AKR1C8: variants seen among roughly 807,000 people sequenced by gnomAD.
The protein encoded by AKR1C8 is aldo-keto reductase family 1 member C-like protein 1.
chr10:5,139,205 G>C, the AKR1C8 span, among the ~76,000 whole-genome samples: 3 of 152,152 alleles, frequency 2.0e-5, no homozygotes, highest in East Asian at 5.8e-4. Context: ...GAATCAATAT[G>C]GTGAAAATGG....
chr10:5,172,507 T>G, the AKR1C8 span, among the ~76,000 whole-genome samples: 1 of 152,082 alleles, frequency 6.6e-6, no homozygotes, highest in Non-Finnish European at 1.5e-5. Context: ...TGCAGCTATC[T>G]TCATTAAACT....
the AKR1C8 span, among the ~76,000 whole-genome samples, chr10:5,160,380 GA>G: frequency 1.4e-3 from 204 of 150,064 alleles, 2 homozygotes; most frequent in African/African-American, 4.3e-3. Context: ...TCTAGAATGG[GA>G]AAAAAAAATG....
the AKR1C8 span, among the ~76,000 whole-genome samples, chr10:5,183,801 C>T: frequency 6.6e-6 from 1 of 151,710 alleles, no homozygotes; most frequent in South Asian, 2.1e-4. Context: ...CTTACACAAA[C>T]CTCCAGCTCA....
chr10:5,149,157 T>C, the AKR1C8 span, among the ~76,000 whole-genome samples: 3 of 152,164 alleles, frequency 2.0e-5, no homozygotes, highest in East Asian at 5.8e-4. Flanking sequence ...AGCCAGAAAA[T>C]AATTTAGGAT....
At chr10:5,166,859 G>A in the AKR1C8 span, among the ~76,000 whole-genome samples, 3 of 151,966 alleles carry the variant, frequency 2.0e-5, no homozygotes, top group East Asian at 3.9e-4. Flanking sequence ...GCAACCTAGA[G>A]AATGGGAGAA....
At chr10:5,140,309 A>G in the AKR1C8 span, among the ~76,000 whole-genome samples, 8 of 152,248 alleles carry the variant, frequency 5.3e-5, no homozygotes, top group African/African-American at 1.7e-4. Flanking sequence ...ATATACCCAA[A>G]GGATTATAAA....
chr10:5,178,605 G>T, the AKR1C8 span, among the ~76,000 whole-genome samples: 112 of 152,288 alleles, frequency 7.4e-4, no homozygotes, highest in African/African-American at 2.4e-3. Flanking sequence ...TTATTATTGT[G>T]TGGGAATCTA....
chr10:5,130,840 C>T, the AKR1C8 span, among the ~76,000 whole-genome samples: 1 of 151,598 alleles, frequency 6.6e-6, no homozygotes, highest in Admixed American at 6.6e-5. Flanking sequence ...CTGAAAATGG[C>T]CATATTCTAA....
At chr10:5,140,838 A>G in the AKR1C8 span, among the ~76,000 whole-genome samples, 25 of 152,088 alleles carry the variant, frequency 1.6e-4, no homozygotes, top group Non-Finnish European at 2.8e-4. Flanking sequence ...ATAATTTAAA[A>G]AAAGAAAGAA....
At chr10:5,171,596 A>G in the AKR1C8 span, among the ~76,000 whole-genome samples, 1 of 152,074 alleles carries the variant, frequency 6.6e-6, no homozygotes, top group Non-Finnish European at 1.5e-5. Context: ...CCTTGTATAC[A>G]TATTTACCTA....
the AKR1C8 span, among the ~76,000 whole-genome samples, chr10:5,149,737 C>CT: frequency 6.6e-6 from 1 of 151,730 alleles, no homozygotes; most frequent in East Asian, 1.9e-4. Context: ...CCAGTTAAAG[C>CT]TTTGATAAAT....
chr10:5,132,145 C>T, the AKR1C8 span, among the ~76,000 whole-genome samples: 2 of 151,928 alleles, frequency 1.3e-5, no homozygotes, highest in Admixed American at 1.3e-4. Context: ...TAAAGACATA[C>T]AGATGATATA....
chr10:5,141,054 T>TG, the AKR1C8 span, among the ~76,000 whole-genome samples: 1 of 152,158 alleles, frequency 6.6e-6, no homozygotes, highest in Admixed American at 6.6e-5. Flanking sequence ...CTTTGAAAGT[T>TG]GAAGTCAATT....
At chr10:5,118,996 C>A in the AKR1C8 span, among the ~76,000 whole-genome samples, 1 of 151,798 alleles carries the variant, frequency 6.6e-6, no homozygotes, top group Non-Finnish European at 1.5e-5. Flanking sequence ...ATCAAATGTG[C>A]GGAAATGTGA....
chr10:5,124,453 T>C, the AKR1C8 span, among the ~76,000 whole-genome samples: 4 of 152,118 alleles, frequency 2.6e-5, no homozygotes, highest in African/African-American at 9.7e-5. Context: ...AACTATTTCT[T>C]TTCTTGACTT....
chr10:5,173,827 T>G, the AKR1C8 span, among the ~76,000 whole-genome samples: 2 of 152,170 alleles, frequency 1.3e-5, no homozygotes, highest in Non-Finnish European at 2.9e-5. Context: ...AAGACCTTTA[T>G]AGTTTTCTCT....
the AKR1C8 span, among the ~76,000 whole-genome samples, chr10:5,163,769 C>T: frequency 6.6e-6 from 1 of 152,158 alleles, no homozygotes; most frequent in South Asian, 2.1e-4. Flanking sequence ...AACATAAAAA[C>T]ACATTTGTCC....
At chr10:5,129,056 G>C in the AKR1C8 span, among the ~76,000 whole-genome samples, 1 of 152,016 alleles carries the variant, frequency 6.6e-6, no homozygotes, top group African/African-American at 2.4e-5. Flanking sequence ...TTAAACTTGA[G>C]AAAATCCAAA....
the AKR1C8 span, among the ~76,000 whole-genome samples, chr10:5,128,141 A>G: frequency 1.3e-5 from 2 of 152,194 alleles, no homozygotes; most frequent in Non-Finnish European, 2.9e-5. Flanking sequence ...CTTCTTAAAC[A>G]AAATAACTGT....
Sources: allele counts gnomAD v4.1 joint callset (sites outside exome capture counted in the v4.1 genomes callset), GRCh38; gene constraint gnomAD v4.1.1; transcripts MANE v1.5; gene names NCBI Gene and HGNC (gene_info 2026-07-23, HGNC 2026-07-21).